CADM1: variants seen among roughly 807,000 people sequenced by gnomAD.
CADM1 encodes the protein cell adhesion molecule 1, also known as TSLC-1.
In CADM1, 15 loss-of-function variants were observed where a neutral mutation model predicts 53.1. The ratio of observed to expected loss-of-function variants is 0.28; its 90% CI spans 0.19 to 0.44. The LOEUF (loss-of-function observed/expected upper bound fraction) is 0.44, where lower values mean the gene tolerates loss of function less well. Among genes scored for constraint, CADM1 ranks in the 20% least tolerant of loss-of-function variants. The pLI, the probability that CADM1 is intolerant of heterozygous loss-of-function variation, is 1.00. For missense variants in CADM1, 434 were observed against 611.3 expected (o/e 0.71, Z 3.06); for synonymous variants, 281 against 243.0 (o/e 1.16, Z -1.45).
At chr11:115,445,841 C>CAAAA (rs1233401369) in intron 1 of CADM1, 3 of 418,150 alleles carry the variant, frequency 7.2e-6, no homozygotes, top group South Asian at 3.4e-5. Context: ...TGAGACCTGT[C>CAAAA]AAAAAAGAAA....
At chr11:115,288,387 T>C (rs1181429787) in intron 1 of CADM1, among the ~76,000 whole-genome samples, 3 of 152,180 alleles carry the variant, frequency 2.0e-5, no homozygotes, top group Non-Finnish European at 4.4e-5. Context: ...TGCAGAATTT[T>C]ATGAGTGCTT....
rs934091065 is a variant in CADM1, at chr11:115,177,764, T to G, written c.1297+880A>C. On this transcript the variant is annotated intron_variant, in intron 11 of 11. Coordinates refer to ENST00000331581, the MANE Select transcript of CADM1 (RefSeq NM_001301043.2). ...GGCGAAGTATGGACAGCTCTGATCG[T>G]CCTAAACTGTTTTATGCTTGAGACA... is the stretch of plus-strand genomic sequence containing the variant. 2.0e-5 allele frequency among the ~76,000 whole-genome samples: 3 copies of G among 151,540 alleles called. No individual in the cohort carries two copies. In the South Asian group the frequency reaches 6.2e-4, roughly 32 times the overall value.
intron 1 of CADM1, among the ~76,000 whole-genome samples, chr11:115,451,076 T>C (rs1948561592): frequency 6.6e-6 from 1 of 152,216 alleles, no homozygotes; most frequent in Non-Finnish European, 1.5e-5. Context: ...AAGAATAATC[T>C]GGAAATAAAA....
intron 1 of CADM1, among the ~76,000 whole-genome samples, chr11:115,331,026 G>T (rs938331210): frequency 6.6e-6 from 1 of 152,150 alleles, no homozygotes; most frequent in East Asian, 1.9e-4. Context: ...TCAGGTTGCA[G>T]GTTGGGGGGC....
Position 115,176,272 on chromosome 11 carries a change from A to G in CADM1, c.*202T>C, listed in dbSNP as rs544033294. ...AAAATTAAACAAACAAACAAACGAA[A>G]AAAGAGGTGTCAAACAGCAGAGTGT... is the stretch of plus-strand genomic sequence containing the variant. On this transcript the variant is annotated 3_prime_UTR_variant, in exon 12 of 12. Transcript: ENST00000331581. 1.9e-5 allele frequency: 26 copies of G among 1,369,518 alleles called. No individual in the cohort carries two copies. In the African/African-American group the frequency reaches 3.1e-4, roughly 16 times the overall value. The allele number at this position is 1,369,518 out of a possible 1,614,324, so 84.8% of individuals were successfully genotyped here. A position where few individuals can be genotyped will look rare whatever the true frequency, so the allele number is the denominator to read the frequency against.
At chr11:115,187,711 G>T (rs1251248240) in intron 10 of CADM1, among the ~76,000 whole-genome samples, 1 of 152,178 alleles carries the variant, frequency 6.6e-6, no homozygotes, top group Non-Finnish European at 1.5e-5. Flanking sequence ...AAAGTGCTGG[G>T]ATTACAGGTG....
chr11:115,460,396 C>G (rs907828617), intron 1 of CADM1, among the ~76,000 whole-genome samples: 1 of 152,138 alleles, frequency 6.6e-6, no homozygotes, highest in African/African-American at 2.4e-5. Context: ...TAGCCCAAAA[C>G]AATACAACTC....
At chr11:115,477,677 C>T (rs185267881) in intron 1 of CADM1, among the ~76,000 whole-genome samples, 13 of 152,282 alleles carry the variant, frequency 8.5e-5, no homozygotes, top group African/African-American at 2.6e-4. Flanking sequence ...TGGCAATAAA[C>T]GGCCAGACCA....
At chr11:115,503,446 CGCCGAAAGAACGGGCA>C (rs1304865521) in intron 1 of CADM1, among the ~76,000 whole-genome samples, 1 of 152,166 alleles carries the variant, frequency 6.6e-6, no homozygotes, top group Admixed American at 6.5e-5. Flanking sequence ...ACCCTCGGGC[CGCCGAAAGAACGGGCA>C]GCCGGGAAAT....
intron 1 of CADM1, among the ~76,000 whole-genome samples, chr11:115,400,578 A>AATATATATATATATT (rs562563318): frequency 1.4e-5 from 2 of 139,710 alleles, no homozygotes; most frequent in Non-Finnish European, 3.0e-5. Flanking sequence ...ATATATATAT[A>AATATATATATATATT]ATATATATAT....
chr11:115,396,242 C>T (rs530893572), intron 1 of CADM1, among the ~76,000 whole-genome samples: 3 of 152,198 alleles, frequency 2.0e-5, no homozygotes, highest in Admixed American at 6.5e-5. Context: ...AAGCAAAGGG[C>T]GCGTGTCCTT....
intron 1 of CADM1, 126 bp from the exon 2 acceptor site, chr11:115,240,546 T>TTTAATAC: frequency 1.1e-6 from 1 of 932,668 alleles, no homozygotes; most frequent in Non-Finnish European, 1.7e-6. Context: ...TTAGCATGGC[T>TTTAATAC]CTAATACCTT....
rs56270694 is a variant in CADM1 at position 115,206,758 on chromosome 11, CTTTTTTTTTTTT to C, written c.1078+2804_1078+2815del. Among the ~76,000 whole-genome samples the C allele has an allele frequency of 1.7e-3, 64 of 38,242 alleles. 2 individuals carry two copies. The highest frequency in any genetic ancestry group is 9.7e-3 in the East Asian group (7 of 718). The allele number at this position is 38,242 out of a possible 152,430, so 25.1% of individuals were successfully genotyped here. On this transcript the variant is annotated intron_variant, in intron 8 of 11. Coordinates refer to ENST00000331581, the MANE Select transcript of CADM1 (RefSeq NM_001301043.2). The stretch of plus-strand genomic sequence containing the variant: ...AAAAGAAATAGATGACTGTGGACTT[CTTTTTTTTTTTT>C]TTTTTTTTTTTTTTTTTTTAAGCTC...
chr11:115,493,050 A>G (rs1314260559), intron 1 of CADM1, among the ~76,000 whole-genome samples: 1 of 152,096 alleles, frequency 6.6e-6, no homozygotes. Flanking sequence ...TCTAAATATC[A>G]TTCTTTGACT....
intron 1 of CADM1, among the ~76,000 whole-genome samples, chr11:115,283,728 A>G (rs781347709): frequency 6.6e-5 from 10 of 152,220 alleles, no homozygotes; most frequent in Non-Finnish European, 1.3e-4. Context: ...CACGCCAGAC[A>G]TTCAGGGCAA....
intron 1 of CADM1, among the ~76,000 whole-genome samples, chr11:115,386,692 T>A (rs1382695163): frequency 9.3e-6 from 1 of 107,380 alleles, no homozygotes; most frequent in African/African-American, 3.7e-5. Context: ...CATGAATAGA[T>A]TAATCAATTC....
chr11:115,350,887 G>A (rs1945716004), intron 1 of CADM1, among the ~76,000 whole-genome samples: 1 of 149,350 alleles, frequency 6.7e-6, no homozygotes, highest in African/African-American at 2.5e-5. Flanking sequence ...ATTAGCTTAA[G>A]GCAATTATTT....
At chr11:115,336,033 CAAGT>C (rs1945258342) in intron 1 of CADM1, among the ~76,000 whole-genome samples, 2 of 152,120 alleles carry the variant, frequency 1.3e-5, no homozygotes. Context: ...TTCCTTGAGA[CAAGT>C]ATGTAGCAAA....
At chr11:115,309,435 GA>G (rs1944474327) in intron 1 of CADM1, among the ~76,000 whole-genome samples, 1 of 152,102 alleles carries the variant, frequency 6.6e-6, no homozygotes, top group Admixed American at 6.6e-5. Context: ...AAAGTATCGT[GA>G]AATATTACTG....
Sources: allele counts gnomAD v4.1 joint callset (sites outside exome capture counted in the v4.1 genomes callset), GRCh38; gene constraint gnomAD v4.1.1; transcripts MANE v1.5; gene names NCBI Gene and HGNC (gene_info 2026-07-23, HGNC 2026-07-21).